The following PRKCA variants were observed in gnomAD, a reference collection of about 807,000 sequenced individuals.
PRKCA encodes protein kinase C alpha.
A neutral mutation model predicts 87.0 loss-of-function variants in PRKCA; 27 were observed. That is an observed-to-expected ratio of 0.31 (90% CI 0.23 to 0.43). PRKCA has a LOEUF of 0.43. Ranked by LOEUF, PRKCA falls within the 20% of genes least tolerant of loss-of-function variation. PRKCA has a pLI of 1.00. For missense variants in PRKCA, 518 were observed against 852.3 expected (o/e 0.61, Z 4.88); for synonymous variants, 329 against 311.1 (o/e 1.06, Z -0.61).
At chr17:66,680,344 G>T (rs1972456125) in intron 5 of PRKCA, among the ~76,000 whole-genome samples, 1 of 152,160 alleles carries the variant, frequency 6.6e-6, no homozygotes, top group Non-Finnish European at 1.5e-5. Context: ...GGAGGTGGGA[G>T]GTGTCACGGG....
At chr17:66,567,165 A>G (rs544907846) in intron 3 of PRKCA, among the ~76,000 whole-genome samples, 2 of 152,340 alleles carry the variant, frequency 1.3e-5, no homozygotes, top group East Asian at 1.9e-4. Flanking sequence ...GGAACTTGGT[A>G]TAATTATTTA....
At chr17:66,614,577 C>A (rs1156361975) in intron 3 of PRKCA, among the ~76,000 whole-genome samples, 1 of 152,110 alleles carries the variant, frequency 6.6e-6, no homozygotes, top group Admixed American at 6.5e-5. Flanking sequence ...AGCCACTTAA[C>A]AGCTAAATTT....
chr17:66,326,229 T>C (rs74933773), intron 2 of PRKCA, among the ~76,000 whole-genome samples: 24,300 of 152,198 alleles, frequency 0.16, 2,570 homozygotes, highest in Non-Finnish European at 0.24. Flanking sequence ...GTTCATTTTG[T>C]TTTTTCTCAT....
chr17:66,663,898 C>T (rs1434979832), intron 5 of PRKCA, among the ~76,000 whole-genome samples: 1 of 149,886 alleles, frequency 6.7e-6, no homozygotes, highest in Non-Finnish European at 1.5e-5. Context: ...GACAGGGTCT[C>T]ACTCAGTCAC....
At chr17:66,424,856 T>G (rs1480600654) in intron 2 of PRKCA, among the ~76,000 whole-genome samples, 2 of 151,558 alleles carry the variant, frequency 1.3e-5, no homozygotes, top group Non-Finnish European at 2.9e-5. Context: ...CTCAAGCGAT[T>G]CTCCCGCCTC....
intron 3 of PRKCA, among the ~76,000 whole-genome samples, chr17:66,616,012 C>T (rs901072821): frequency 2.0e-5 from 3 of 152,158 alleles, no homozygotes; most frequent in Admixed American, 6.5e-5. Flanking sequence ...TCAGCCATTT[C>T]GCCAAGTGAG....
At chr17:66,673,992 G>C (rs1465517889) in intron 5 of PRKCA, among the ~76,000 whole-genome samples, 2 of 152,206 alleles carry the variant, frequency 1.3e-5, no homozygotes, top group Admixed American at 6.5e-5. Flanking sequence ...CCTTGTCCAA[G>C]AGTCCCTCCA....
Position 66,363,438 on chromosome 17 carries a change from C to T in PRKCA, c.205+57311C>T, listed in dbSNP as rs73992442. On this transcript the variant is annotated intron_variant, in intron 2 of 16. Coordinates refer to ENST00000413366, the MANE Select transcript of PRKCA (RefSeq NM_002737.3). ...TTGGGGATTTGCTGTCCTTTATCCTCGGTAAAGCAAACCAGCCATCCGAAT... is the reference window on the plus strand; with the variant it reads ...TTGGGGATTTGCTGTCCTTTATCCTTGGTAAAGCAAACCAGCCATCCGAAT... 9.8e-3 allele frequency among the ~76,000 whole-genome samples: 1,487 copies of T among 152,244 alleles called. 16 individuals carry two copies. The highest frequency in any genetic ancestry group is 0.033 in the African/African-American group (1,369 of 41,540).
intron 2 of PRKCA, among the ~76,000 whole-genome samples, chr17:66,318,008 A>G (rs752819737): frequency 2.0e-5 from 3 of 152,216 alleles, no homozygotes; most frequent in Non-Finnish European, 1.5e-5. Context: ...TATAGTTGGG[A>G]GAAGTTGTAC....
intron 2 of PRKCA, among the ~76,000 whole-genome samples, chr17:66,452,923 G>A (rs1914396571): frequency 1.3e-5 from 2 of 152,220 alleles, no homozygotes; most frequent in African/African-American, 4.8e-5. Context: ...AGGTTTATAA[G>A]GGCTGGTGTC....
At chr17:66,634,573 T>G (rs553867756) in intron 3 of PRKCA, among the ~76,000 whole-genome samples, 1 of 152,372 alleles carries the variant, frequency 6.6e-6, no homozygotes, top group East Asian at 1.9e-4. Context: ...GGGATGACTT[T>G]ATCTACAGCC....
intron 5 of PRKCA, among the ~76,000 whole-genome samples, chr17:66,661,813 T>C (rs1971911696): frequency 6.6e-6 from 1 of 152,188 alleles, no homozygotes; most frequent in African/African-American, 2.4e-5. Context: ...AACAAGTGGC[T>C]CAGGAAGGTG....
intron 14 of PRKCA, among the ~76,000 whole-genome samples, chr17:66,784,872 C>T (rs997151616): frequency 6.6e-6 from 1 of 152,160 alleles, no homozygotes; most frequent in African/African-American, 2.4e-5. Flanking sequence ...GGGTGCCCCC[C>T]CAAGCTGCCC....
chr17:66,317,902 A>G (rs1905408144), intron 2 of PRKCA, among the ~76,000 whole-genome samples: 1 of 152,248 alleles, frequency 6.6e-6, no homozygotes, highest in African/African-American at 2.4e-5. Context: ...AAAATGTAAA[A>G]TATTTTAACT....
Position 66,580,480 on chromosome 17 carries a change from G to A in PRKCA, c.289-60875G>A, listed in dbSNP as rs576253078. ...CTCTCCATATAGGCCTGAGAGCCAC[G>A]TGGTCCCACATGAGACACTGAGCCA... On this transcript the variant is annotated intron_variant, in intron 3 of 16. Transcript: ENST00000413366. Among the ~76,000 whole-genome samples the A allele has an allele frequency of 8.5e-5, 13 of 152,286 alleles. No individual in the cohort carries two copies. In the South Asian group the frequency reaches 1.9e-3, roughly 22 times the overall value.
intron 4 of PRKCA, among the ~76,000 whole-genome samples, chr17:66,644,765 A>G (rs9912025): frequency 0.012 from 1,842 of 152,260 alleles, 33 homozygotes; most frequent in African/African-American, 0.042. Flanking sequence ...TCTATACTCA[A>G]TCCACAGATT....
intron 2 of PRKCA, chr17:66,415,802 A>AG (rs1912108739): frequency 1.3e-5 from 2 of 152,240 alleles, no homozygotes; most frequent in African/African-American, 4.8e-5. Flanking sequence ...AATGGGGATA[A>AG]CAACAGTGCC....
intron 14 of PRKCA, among the ~76,000 whole-genome samples, chr17:66,786,596 A>G (rs1457141190): frequency 2.0e-5 from 3 of 152,220 alleles, no homozygotes; most frequent in Non-Finnish European, 4.4e-5. Context: ...ATCATTAAAA[A>G]CATTACTCAA....
intron 2 of PRKCA, among the ~76,000 whole-genome samples, chr17:66,381,114 A>AT (rs1202889489): frequency 4.6e-5 from 7 of 151,162 alleles, no homozygotes; most frequent in Admixed American, 1.3e-4. Context: ...TAAGTTTTAT[A>AT]TTTTTTTTGT....
Sources: gnomAD v4.1 joint callset for allele counts (sites outside exome capture counted in the v4.1 genomes callset) on GRCh38, gnomAD v4.1.1 for gene constraint, MANE v1.5 for transcripts, NCBI Gene and HGNC (gene_info 2026-07-23, HGNC 2026-07-21) for gene names.